Variants in GRIP1 observed in about 807,000 individuals in gnomAD.
The protein encoded by GRIP1 is glutamate receptor interacting protein 1.
In GRIP1, 45 loss-of-function variants were observed where a neutral mutation model predicts 129.9. The observed-to-expected ratio is 0.35, with a 90% confidence interval of 0.27 to 0.44. The LOEUF (loss-of-function observed/expected upper bound fraction) is 0.44. GRIP1 is among the 20% of genes least tolerant of loss of function. The pLI is 1.00. For missense variants in GRIP1, 1,196 were observed against 1,396.8 expected, an observed-to-expected ratio of 0.86 and a Z score of 2.29; for synonymous variants, 530 against 520.8, an observed-to-expected ratio of 1.02 and a Z score of -0.24.
chr12:66,692,919 G>A (rs1243827244), intron 1 of GRIP1, among the ~76,000 whole-genome samples: 2 of 152,140 alleles, frequency 1.3e-5, no homozygotes, highest in Non-Finnish European at 2.9e-5. Flanking sequence ...CTTGTGCTGA[G>A]GAGTCCTGAC....
chr12:66,503,455 G>T (rs116836768), intron 7 of GRIP1, among the ~76,000 whole-genome samples: 3,346 of 152,180 alleles, frequency 0.022, 111 homozygotes, highest in African/African-American at 0.077. Context: ...AAGCCCCAGG[G>T]TCAAGGTTAA....
At chr12:66,405,508 T>C (rs1004216336) in intron 16 of GRIP1, among the ~76,000 whole-genome samples, 10 of 152,208 alleles carry the variant, frequency 6.6e-5, no homozygotes, top group Non-Finnish European at 1.2e-4. Context: ...TGGGTGTTTA[T>C]TAGGAATCCA....
rs574816939 is a variant in GRIP1 at position 66,602,547 on chromosome 12, G to A, written c.56-5620C>T. On this transcript the variant is annotated intron_variant, in intron 1 of 24. Transcript: ENST00000359742. ...TTTGGCTCTACAGCTTTGGTATGTGGAGGCTGCAACATTTCATTTCCTTCC... is the reference window on the plus strand; with the variant it reads ...TTTGGCTCTACAGCTTTGGTATGTGAAGGCTGCAACATTTCATTTCCTTCC... 2.6e-5 allele frequency among the ~76,000 whole-genome samples: 4 copies of A among 152,264 alleles called. No individual in the cohort carries two copies. The East Asian group carries it at 5.8e-4, about 22-fold the overall frequency.
At chr12:66,860,840 A>G (rs926066555) in intron 1 of GRIP1, among the ~76,000 whole-genome samples, 24 of 152,134 alleles carry the variant, frequency 1.6e-4, no homozygotes, top group African/African-American at 5.8e-4. Flanking sequence ...CCAGAACCAC[A>G]CTTTGAGTGA....
At chr12:66,523,701 G>A (rs1185789457) in intron 5 of GRIP1, among the ~76,000 whole-genome samples, 2 of 151,946 alleles carry the variant, frequency 1.3e-5, no homozygotes, top group African/African-American at 2.4e-5. Flanking sequence ...ATGTAAATGG[G>A]CTAAAAGCTC....
chr12:66,954,409 C>A (rs570902221), intron 1 of GRIP1, among the ~76,000 whole-genome samples: 1 of 152,304 alleles, frequency 6.6e-6, no homozygotes, highest in East Asian at 1.9e-4. Context: ...TAGAATCCAG[C>A]CACTTAGGAC....
intron 1 of GRIP1, among the ~76,000 whole-genome samples, chr12:66,820,834 G>T (rs1600515): frequency 0.94 from 141,937 of 151,226 alleles, 67,258 homozygotes; most frequent in East Asian, 1. Flanking sequence ...AAAAAAACAG[G>T]GGTTGCTAGT....
chr12:66,372,389 C>T (rs1226878566), intron 22 of GRIP1: 4 of 247,936 alleles, frequency 1.6e-5, no homozygotes, highest in Non-Finnish European at 3.2e-5. Context: ...CTGCAGTTAA[C>T]AATGGGCTGG....
At chr12:66,406,467 G>A in intron 15 of GRIP1, 39 bp from the exon 16 acceptor site, 1 of 1,599,288 alleles carries the variant, frequency 6.3e-7, no homozygotes, top group Non-Finnish European at 8.6e-7. Context: ...CTAATGATGA[G>A]CACTTAACTA....
intron 1 of GRIP1, among the ~76,000 whole-genome samples, chr12:66,838,212 G>A (rs913404309): frequency 1.4e-5 from 2 of 147,604 alleles, no homozygotes; most frequent in Non-Finnish European, 3.0e-5. Context: ...AATCGAGCAG[G>A]AGAACCAATT....
intron 1 of GRIP1, among the ~76,000 whole-genome samples, chr12:66,724,007 G>A (rs933000188): frequency 1.3e-5 from 2 of 152,134 alleles, no homozygotes; most frequent in Non-Finnish European, 2.9e-5. Flanking sequence ...TCATGCCCTT[G>A]TGCCATAACA....
intron 1 of GRIP1, among the ~76,000 whole-genome samples, chr12:67,000,332 T>C (rs1566112643): frequency 6.6e-6 from 1 of 152,186 alleles, no homozygotes; most frequent in Non-Finnish European, 1.5e-5. Context: ...CAGATCATGT[T>C]AAGATTTAGC....
chr12:66,859,693 T>A (rs1177808117), intron 1 of GRIP1, among the ~76,000 whole-genome samples: 1 of 152,024 alleles, frequency 6.6e-6, no homozygotes, highest in East Asian at 1.9e-4. Flanking sequence ...ACAACTATAT[T>A]AACCTCAGAA....
intron 1 of GRIP1, among the ~76,000 whole-genome samples, chr12:66,992,201 C>T (rs1327843859): frequency 6.6e-6 from 1 of 152,122 alleles, no homozygotes; most frequent in Non-Finnish European, 1.5e-5. Flanking sequence ...TGAATCTCCT[C>T]TAAAACTGTG....
intron 1 of GRIP1, among the ~76,000 whole-genome samples, chr12:66,827,052 A>C (rs1004258228): frequency 2.0e-5 from 3 of 152,178 alleles, no homozygotes; most frequent in Non-Finnish European, 2.9e-5. Flanking sequence ...AGAAAAATTC[A>C]AATCATTGTA....
intron 14 of GRIP1, among the ~76,000 whole-genome samples, chr12:66,429,848 T>C (rs2058094735): frequency 6.6e-6 from 1 of 152,186 alleles, no homozygotes; most frequent in African/African-American, 2.4e-5. Flanking sequence ...TTGTCAACAA[T>C]ACTATGAAGA....
chr12:66,362,140 ATCTTTTTTTTTT>A (rs952329213), intron 23 of GRIP1, among the ~76,000 whole-genome samples: 4 of 117,754 alleles, frequency 3.4e-5, no homozygotes, highest in African/African-American at 1.3e-4. Flanking sequence ...TACCAATTTA[ATCTTTTTTTTTT>A]TTTTTTTTTT....
chr12:66,983,631 A>G (rs1229572326), intron 1 of GRIP1, among the ~76,000 whole-genome samples: 2 of 152,150 alleles, frequency 1.3e-5, no homozygotes, highest in Non-Finnish European at 2.9e-5. Context: ...AGTTTTAAAT[A>G]TTTTCCCTGT....
intron 1 of GRIP1, among the ~76,000 whole-genome samples, chr12:66,629,319 C>T (rs1412485161): frequency 1.3e-5 from 2 of 152,300 alleles, no homozygotes; most frequent in African/African-American, 2.4e-5. Context: ...CAAGCCTTAA[C>T]GACACAAATG....
Sources: gnomAD v4.1 joint callset for allele counts (sites outside exome capture counted in the v4.1 genomes callset) on GRCh38, gnomAD v4.1.1 for gene constraint, MANE v1.5 for transcripts, NCBI Gene and HGNC (gene_info 2026-07-23, HGNC 2026-07-21) for gene names.